The following ZAN variants were observed in gnomAD, a reference collection of about 807,000 sequenced individuals.
ZAN encodes the protein zonadhesin.
A neutral mutation model predicts 286.2 loss-of-function variants in ZAN; 260 were observed. The observed-to-expected ratio is 0.91, with a 90% CI of 0.82 to 1.01. The LOEUF is 1.01. Among genes scored for constraint, ZAN ranks in the 50% least tolerant of loss-of-function variants. ZAN has a pLI of 0.00. For synonymous variants in ZAN, 1,368 were observed against 1,417.5 expected (o/e 0.97, Z 0.79); for missense variants, 3,410 against 3,639.2 (o/e 0.94, Z 1.62).
intron 17 of ZAN, among the ~76,000 whole-genome samples, chr7:100,759,147 C>T (rs1391777583): frequency 6.6e-6 from 1 of 151,990 alleles, no homozygotes; most frequent in Non-Finnish European, 1.5e-5. Context: ...ATTGCTTGAA[C>T]CTGGGAGGCG....
At chr7:100,782,192 CTT>C (rs35837366) in intron 35 of ZAN, among the ~76,000 whole-genome samples, 38 of 144,016 alleles carry the variant, frequency 2.6e-4, no homozygotes, top group Non-Finnish European at 3.5e-4. Flanking sequence ...CATCTTTTGA[CTT>C]TTTTTTTTTT....
At chr7:100,794,563 G>C (rs1324957346) in intron 44 of ZAN, among the ~76,000 whole-genome samples, 1 of 152,150 alleles carries the variant, frequency 6.6e-6, no homozygotes, top group Non-Finnish European at 1.5e-5. Flanking sequence ...CTGGGCGTGG[G>C]TGACTCATGC....
chr7:100,753,507 C>T (rs532372380), intron 14 of ZAN, among the ~76,000 whole-genome samples: 78 of 152,108 alleles, frequency 5.1e-4, no homozygotes, highest in Middle Eastern at 6.8e-3. Context: ...ATCCATATTT[C>T]ATAAAATTCA....
In ZAN at chr7:100,775,502, C is replaced by G. The variant is rs577750523; in HGVS notation, c.5954C>G (p.Ala1985Gly). 8 of 1,613,978 alleles carry G rather than the reference C, an allele frequency of 5.0e-6. No individual in the cohort carries two copies. In the East Asian group the frequency reaches 1.6e-4, roughly 31 times the overall value. Reference protein sequence around the residue: ...KHEKEEGGTEAFRLHEVYIDI... With the variant: ...KHEKEEGGTEGFRLHEVYIDI... ...GAGAAGGAGGAAGGTGGAACTGAGG[C>G]TTTCCGCCTTCATGAGGTCTACATT... The change falls in exon 32 of 48, where the codon GCT becomes GGT. Residue 1985 changes from alanine to glycine, a missense_variant. This residue lies in a region of ZAN where 1,289 missense variants were observed against 1,314.3 expected (regional missense o/e 0.98). Coordinates refer to ENST00000613979, the MANE Select transcript of ZAN (RefSeq NM_003386.3).
intron 11 of ZAN, among the ~76,000 whole-genome samples, 200 bp from the exon 12 acceptor site, chr7:100,750,425 G>A (rs540302530): frequency 2.9e-4 from 44 of 152,258 alleles, no homozygotes; most frequent in African/African-American, 8.2e-4. Context: ...ATGAGCCACC[G>A]TGCCTGGCCG....
intron 45 of ZAN, among the ~76,000 whole-genome samples, chr7:100,796,421 CTT>C (rs144829996): frequency 2.4e-4 from 29 of 120,342 alleles, no homozygotes; most frequent in African/African-American, 2.5e-4. Context: ...CAGGAATCTG[CTT>C]TTTTTTTTTT....
Position 100,762,296 on chromosome 7 carries a change from C to A in ZAN, c.3924C>A (p.Ser1308Arg). ...ATGACCACCTGAAGTTGGACGGCAG[C>A]CCAGCAGGAGACAAGGAGGAGCTGG... is the stretch of plus-strand genomic sequence containing the variant. ...SDNDHLKLDG[S>R]PAGDKEELGN... is the part of the protein sequence containing the mutation. The change falls in exon 20 of 48, where the codon AGC becomes AGA. Residue 1308 changes from serine to arginine, a missense_variant. Physicochemically the swap from Ser to Arg is moderately radical, Grantham distance 110 (BLOSUM62 -1). This residue lies in a region of ZAN where 1,042 missense variants were observed against 1,058.0 expected (regional missense o/e 0.98). Transcript: ENST00000613979. 1.2e-6 allele frequency: 2 copies of A among 1,613,652 alleles called. No individual in the cohort carries two copies. The highest frequency in any genetic ancestry group is 2.2e-5 in the South Asian group (2 of 91,062).
Position 100,767,096 on chromosome 7 carries a change from G to A in ZAN, c.4699G>A (p.Val1567Ile), listed in dbSNP as rs746493812. 1.9e-5 allele frequency: 30 copies of A among 1,613,760 alleles called. No individual in the cohort carries two copies. Among genetic ancestry groups the A allele is most frequent in the Non-Finnish European group, 2.5e-5 (30 of 1,179,884 alleles). Reference sequence around the variant, plus strand: ...CCACTTCATGGGCACCTGCACCTATGTCCTGACCCGGCCTTGCTGGTCCAG... The same window carrying A: ...CCACTTCATGGGCACCTGCACCTATATCCTGACCCGGCCTTGCTGGTCCAG... ...LHHFMGTCTY[V>I]LTRPCWSRSQ... Residue 1567 changes from valine to isoleucine, a missense_variant, in exon 25 of 48, where the codon GTC becomes ATC. By Grantham distance (29) the Val-to-Ile change is conservative (BLOSUM62 3). This residue lies in a region of ZAN where 1,042 missense variants were observed against 1,058.0 expected (regional missense o/e 0.98). Transcript: ENST00000613979.
rs770614181 is a variant in ZAN at position 100,773,884 on chromosome 7, T to C, written c.5779+19T>C. The C allele has an allele frequency of 2.5e-6, 4 of 1,590,468 alleles. No homozygotes were observed. Among genetic ancestry groups the C allele is most frequent in the Non-Finnish European group, 3.4e-6 (4 of 1,167,996 alleles). ...GCCTCAGGTAGGAGGACCACGGTGA[T>C]GGGGGGACTCCACAGCCCTGAGGCC... On this transcript the variant is annotated intron_variant, in intron 31 of 47. Transcript: ENST00000613979.
At chr7:100,773,093 G>A (rs532134850) in intron 29 of ZAN, among the ~76,000 whole-genome samples, 192 bp from the exon 30 acceptor site, 62 of 151,874 alleles carry the variant, frequency 4.1e-4, no homozygotes, top group Non-Finnish European at 7.7e-4. Context: ...TAGTAGAGTC[G>A]GTTTTTCACC....
At chr7:100,759,641 G>T in intron 17 of ZAN, 80 bp from the exon 18 acceptor site, 2 of 1,348,770 alleles carry the variant, frequency 1.5e-6, no homozygotes, top group South Asian at 1.8e-5. Context: ...CTCTCCCTGC[G>T]GCGCCAGGCT....
Position 100,752,008 on chromosome 7 carries a change from A to T in ZAN, c.1903A>T (p.Ile635Phe). 6.2e-7 allele frequency: 1 copy of T among 1,612,742 alleles called. No homozygotes were observed. The highest frequency in any genetic ancestry group is 8.5e-7 in the Non-Finnish European group (1 of 1,179,528). Residue 635 changes from isoleucine to phenylalanine, a missense_variant, in exon 14 of 48, where the codon ATT becomes TTT. Physicochemically the swap from Ile to Phe is conservative, Grantham distance 21. Transcript: ENST00000613979. ...KPTILTEKPT[I>F]PSEKPTIPSE... ...CACCATCCTCACAGAAAAACCCACC[A>T]TTCCCTCAGAAAAACCCACCATTCC...
At chr7:100,795,064 G>A in intron 44 of ZAN, 132 bp from the exon 45 acceptor site, 1 of 1,189,096 alleles carries the variant, frequency 8.4e-7, no homozygotes, top group Non-Finnish European at 1.1e-6. Context: ...TGGGAGCCAG[G>A]CTGGCTGACC....
intron 13 of ZAN, 140 bp downstream of exon 13, chr7:100,751,406 A>G (rs1808653327): frequency 1.6e-6 from 1 of 618,352 alleles, no homozygotes; most frequent in Admixed American, 3.6e-5. Context: ...TCTTCAACAC[A>G]CCTCTCCTTC....
intron 34 of ZAN, among the ~76,000 whole-genome samples, chr7:100,777,971 T>G (rs1810932182): frequency 6.6e-6 from 1 of 152,166 alleles, no homozygotes; most frequent in Non-Finnish European, 1.5e-5. Context: ...AGAACCCACT[T>G]GAGGAAATGT....
At chr7:100,772,870 G>GTTTTTTTTTTT (rs1810475096) in intron 29 of ZAN, among the ~76,000 whole-genome samples, 1 of 129,310 alleles carries the variant, frequency 7.7e-6, no homozygotes, top group Non-Finnish European at 1.6e-5. Context: ...TTTTTTTTTT[G>GTTTTTTTTTTT]TTTGTTTTTT....
intron 7 of ZAN, among the ~76,000 whole-genome samples, chr7:100,745,994 T>G (rs1459705517): frequency 6.6e-6 from 1 of 151,372 alleles, no homozygotes; most frequent in East Asian, 2.0e-4. Context: ...GAAGCCAAGG[T>G]GCGTGGATCA....
rs372650703 is a variant in ZAN at position 100,775,585 on chromosome 7, G to A, written c.6027+10G>A. 361 of 1,612,432 alleles carry A rather than the reference G, an allele frequency of 2.2e-4. No individual in the cohort carries two copies. Among genetic ancestry groups the A allele is most frequent in the Non-Finnish European group, 2.9e-4 (338 of 1,178,696 alleles). ...GGGCCACCGTGTGCTAGTGAGCTGG[G>A]TGTGGTGACCGGGGCTGGGAGGGAG... On this transcript the variant is annotated intron_variant, in intron 32 of 47. Transcript: ENST00000613979.
chr7:100,751,746 A>T lies in ZAN; in HGVS notation c.1641A>T (p.Pro547=), dbSNP rs766709212. 1 of 1,593,464 alleles carries T rather than the reference A, an allele frequency of 6.3e-7. No individual in the cohort carries two copies. The highest frequency in any genetic ancestry group is 8.5e-7 in the Non-Finnish European group (1 of 1,174,694). ...TACCAGAGCTTCCTCCCGTATCTCC[A>T]GTTTCTTCCACTGGCCCTTCTGAAA... ...KVLPELPPVS[P]VSSTGPSETT... The change falls in exon 14 of 48, where the codon CCA becomes CCT. Residue 547 remains proline, a synonymous_variant. Coordinates refer to ENST00000613979, the MANE Select transcript of ZAN (RefSeq NM_003386.3).
Sources: gnomAD v4.1 joint callset for allele counts (sites outside exome capture counted in the v4.1 genomes callset) on GRCh38, gnomAD v4.1.1 for gene constraint, gnomAD v4.1.1 regional missense constraint, MANE v1.5 for transcripts, NCBI Gene and HGNC (gene_info 2026-07-23, HGNC 2026-07-21) for gene names.